The following ZSWIM6 variants were observed in gnomAD, a reference collection of about 807,000 sequenced individuals.
The protein encoded by ZSWIM6 is zinc finger SWIM domain-containing protein 6.
In ZSWIM6, 9 loss-of-function variants were observed where a neutral mutation model predicts 113.2. The ratio of observed to expected loss-of-function variants is 0.08; its 90% CI spans 0.05 to 0.14. The LOEUF is 0.14. Among genes scored for constraint, ZSWIM6 ranks in the 10% least tolerant of loss-of-function variants. The probability of loss-of-function intolerance (pLI) is 1.00; values close to 1 mark genes in which losing one functional copy is unlikely to be tolerated. For synonymous variants in ZSWIM6, 611 were observed against 606.5 expected (o/e 1.01, Z -0.11); for missense variants, 1,162 against 1,552.2 (o/e 0.75, Z 4.22).
rs528582121 is a variant in ZSWIM6 at position 61,505,311 on chromosome 5, CT to C, written c.1333+10908del. 5.3e-5 allele frequency among the ~76,000 whole-genome samples: 8 copies of C among 152,220 alleles called. No individual in the cohort carries two copies. In the East Asian group the frequency reaches 1.4e-3, roughly 26 times the overall value. ...AATAAGAAAGCATCTATCATTGTGC[CT>C]TTTTTTCTTTTCTCTGATTTAAAAC... On this transcript the variant is annotated intron_variant, in intron 4 of 13. Coordinates refer to ENST00000252744, the MANE Select transcript of ZSWIM6 (RefSeq NM_020928.2).
chr5:61,343,766 T>C (rs1290348004), intron 1 of ZSWIM6, among the ~76,000 whole-genome samples: 3 of 152,248 alleles, frequency 2.0e-5, no homozygotes, highest in Middle Eastern at 3.4e-3. Flanking sequence ...CCAAATATCA[T>C]GTTTGTAATC....
chr5:61,343,683 C>G (rs185068517), intron 1 of ZSWIM6, among the ~76,000 whole-genome samples: 1 of 152,238 alleles, frequency 6.6e-6, no homozygotes. Flanking sequence ...GCTACCTTTT[C>G]TATTAACTCA....
chr5:61,424,018 TCTG>T (rs1344227970), intron 1 of ZSWIM6, among the ~76,000 whole-genome samples: 1 of 152,202 alleles, frequency 6.6e-6, no homozygotes, highest in African/African-American at 2.4e-5. Flanking sequence ...CTTGATCACT[TCTG>T]CTGATGGCCA....
chr5:61,489,072 C>A (rs577664242), intron 2 of ZSWIM6, among the ~76,000 whole-genome samples: 1 of 151,910 alleles, frequency 6.6e-6, no homozygotes, highest in African/African-American at 2.4e-5. Context: ...ATTACTCTTC[C>A]TCTCATCTTC....
At position 61,540,932 on chromosome 5, in the gene ZSWIM6, T is replaced by G. The variant is rs537828229; in HGVS notation, c.2704-952T>G. Among the ~76,000 whole-genome samples the G allele has an allele frequency of 1.9e-3, 210 of 108,388 alleles. 2 individuals are homozygous for G. The highest frequency in any genetic ancestry group is 8.7e-3 in the Middle Eastern group (2 of 230). The allele number at this position is 108,388 out of a possible 152,430, so 71.1% of individuals were successfully genotyped here. On this transcript the variant is annotated intron_variant, in intron 12 of 13. Transcript: ENST00000252744. Reference sequence around the variant, plus strand: ...ATTTTGTGGGTTTTTTTTTTTTTTTTTTTTTGTTGTTGTTGTTGTTTTGTT... The same window carrying G: ...ATTTTGTGGGTTTTTTTTTTTTTTTGTTTTTGTTGTTGTTGTTGTTTTGTT...
At chr5:61,392,903 C>T (rs759385104) in intron 1 of ZSWIM6, among the ~76,000 whole-genome samples, 10 of 152,096 alleles carry the variant, frequency 6.6e-5, no homozygotes, top group South Asian at 4.1e-4. Context: ...TGAGCCACCG[C>T]GCCTGGCCCA....
rs1292129904 is a variant in ZSWIM6 at position 61,543,270 on chromosome 5, A to G, written c.2786-185A>G. On this transcript the variant is annotated intron_variant, in intron 13 of 13. Coordinates refer to ENST00000252744, the MANE Select transcript of ZSWIM6 (RefSeq NM_020928.2). This position sits in a 1 kb window ranked among gnomAD's most constrained non-coding sequence, Gnocchi z 4.3. ...ATGTTCCTTTCAGGCATTTCACTGA[A>G]TAACAATTCATAATGACCTTATTCT... Among the ~76,000 whole-genome samples the G allele has an allele frequency of 6.6e-6, 1 of 152,214 alleles. No individual in the cohort carries two copies. Among genetic ancestry groups the G allele is most frequent in the African/African-American group, 2.4e-5 (1 of 41,452 alleles).
intron 1 of ZSWIM6, among the ~76,000 whole-genome samples, chr5:61,441,621 G>A (rs1245674706): frequency 6.6e-6 from 1 of 152,170 alleles, no homozygotes; most frequent in Non-Finnish European, 1.5e-5. Flanking sequence ...AAATGACACA[G>A]CCCATCTTGT....
At chr5:61,430,484 A>C (rs1450823721) in intron 1 of ZSWIM6, among the ~76,000 whole-genome samples, 1 of 152,208 alleles carries the variant, frequency 6.6e-6, no homozygotes, top group East Asian at 1.9e-4. Context: ...ACATAATATT[A>C]TAGAAGCTGC....
chr5:61,406,978 G>T (rs1249964996), intron 1 of ZSWIM6, among the ~76,000 whole-genome samples: 3 of 152,168 alleles, frequency 2.0e-5, no homozygotes, highest in African/African-American at 7.2e-5. Flanking sequence ...CTCCCAAAGT[G>T]CTGGGATTAC....
intron 4 of ZSWIM6, among the ~76,000 whole-genome samples, chr5:61,496,868 C>T (rs1027832183): frequency 6.6e-6 from 1 of 152,038 alleles, no homozygotes; most frequent in African/African-American, 2.4e-5. Context: ...AAAAAAATGC[C>T]CACATTTTTA....
intron 4 of ZSWIM6, among the ~76,000 whole-genome samples, chr5:61,505,640 T>C (rs1748584055): frequency 9.8e-6 from 1 of 102,428 alleles, no homozygotes; most frequent in Non-Finnish European, 2.2e-5. Context: ...CCTTCCTTCC[T>C]TCCTTCCTTC....
Position 61,543,899 on chromosome 5 carries a change from C to T in ZSWIM6, c.3230C>T (p.Ala1077Val), listed in dbSNP as rs896504353. Reference sequence around the variant, plus strand: ...ATTAATGATGTTTTGTGGGCCTGTGCGCTTAGCCACTCCCTTGGTAAAAAT... The same window carrying T: ...ATTAATGATGTTTTGTGGGCCTGTGTGCTTAGCCACTCCCTTGGTAAAAAT... ...PAINDVLWAC[A>V]LSHSLGKNEL... The change falls in exon 14 of 14, where the codon GCG (alanine) becomes GTG (valine). Residue 1077 changes from alanine to valine, a missense_variant. Transcript: ENST00000252744. The surrounding 1 kb of genome is among the most constrained non-coding windows in gnomAD (Gnocchi z 4.3). The T allele has an allele frequency of 2.8e-5, 44 of 1,551,732 alleles. No homozygotes were observed. The Admixed American group carries it at 5.1e-4, about 18-fold the overall frequency.
chr5:61,392,044 G>T (rs1344131620), intron 1 of ZSWIM6, among the ~76,000 whole-genome samples: 1 of 152,152 alleles, frequency 6.6e-6, no homozygotes, highest in East Asian at 1.9e-4. Flanking sequence ...TTTTGACATT[G>T]AAAATTTGAT....
intron 1 of ZSWIM6, among the ~76,000 whole-genome samples, chr5:61,458,116 A>G (rs990062111): frequency 2.0e-5 from 3 of 152,190 alleles, no homozygotes; most frequent in Non-Finnish European, 4.4e-5. Context: ...GGATACATAT[A>G]TTTGCCTCTG....
chr5:61,487,690 T>C (rs1748057745), intron 2 of ZSWIM6, among the ~76,000 whole-genome samples: 1 of 152,058 alleles, frequency 6.6e-6, no homozygotes, highest in African/African-American at 2.4e-5. Flanking sequence ...TAGATTGTTA[T>C]TGGCGTATAG....
At chr5:61,362,756 A>G (rs1745056701) in intron 1 of ZSWIM6, among the ~76,000 whole-genome samples, 1 of 152,128 alleles carries the variant, frequency 6.6e-6, no homozygotes, top group East Asian at 1.9e-4. Context: ...TTTTATTTCC[A>G]GGTCTGACTG....
At chr5:61,357,008 A>G (rs573917619) in intron 1 of ZSWIM6, among the ~76,000 whole-genome samples, 1 of 151,884 alleles carries the variant, frequency 6.6e-6, no homozygotes, top group Non-Finnish European at 1.5e-5. Context: ...TTCAAAATGT[A>G]GTCTCCGGTT....
chr5:61,414,381 A>G (rs1435279431), intron 1 of ZSWIM6, among the ~76,000 whole-genome samples: 1 of 152,112 alleles, frequency 6.6e-6, no homozygotes, highest in Admixed American at 6.5e-5. Flanking sequence ...GGAGCTGGGA[A>G]TGAGGGGGAA....
Sources: allele counts gnomAD v4.1 joint callset (sites outside exome capture counted in the v4.1 genomes callset), GRCh38; gene constraint gnomAD v4.1.1; non-coding constraint Gnocchi (gnomAD v3.1); transcripts MANE v1.5; gene names NCBI Gene and HGNC (gene_info 2026-07-23, HGNC 2026-07-21).